The following DPYSL4 variants were observed in gnomAD, a reference collection of about 807,000 sequenced individuals.
DPYSL4 encodes the protein dihydropyrimidinase like 4, also known as dihydropyrimidinase-related protein 4.
Under a neutral mutation model 63.4 loss-of-function variants are expected in DPYSL4, and 43 were observed. The observed-to-expected ratio is 0.68, with a 90% CI of 0.53 to 0.88. The LOEUF (loss-of-function observed/expected upper bound fraction) is 0.88, where lower values mean the gene tolerates loss of function less well. Ranked by LOEUF, DPYSL4 falls within the 40% of genes least tolerant of loss-of-function variation. DPYSL4 has a pLI of 0.00. For missense variants in DPYSL4, 733 were observed against 819.5 expected (o/e 0.89, Z 1.29); for synonymous variants, 353 against 331.7 (o/e 1.06, Z -0.70).
chr10:132,201,882 G>A (rs1337092837), intron 10 of DPYSL4, 64 bp from the exon 11 acceptor site: 14 of 1,537,398 alleles, frequency 9.1e-6, no homozygotes, highest in African/African-American at 1.4e-5. Context: ...CCCAGTGTCT[G>A]TCCTCGCGCA....
rs759531488 is a variant in DPYSL4, at chr10:132,203,855, C to T, written c.1555C>T (p.Arg519Cys). Residue 519 changes from arginine to cysteine, a missense_variant, in exon 13 of 14, where the codon CGC (arginine) becomes TGC (cysteine). By Grantham distance (180) the Arg-to-Cys change is radical. Coordinates refer to ENST00000338492, the MANE Select transcript of DPYSL4 (RefSeq NM_006426.3). ...PAKPGSGAPA[R>C]ASCPGKISVP... ...CAAGCCAGGGAGTGGCGCTCCGGCC[C>T]GCGCGTCCTGCCCAGGCAAGATCTC... 10 of 1,612,936 alleles carry T rather than the reference C, an allele frequency of 6.2e-6. No individual in the cohort carries two copies. The South Asian group carries it at 6.6e-5, about 11-fold the overall frequency.
intron 4 of DPYSL4, 100 bp from the exon 5 acceptor site, chr10:132,196,761 G>A: frequency 7.2e-7 from 1 of 1,380,754 alleles, no homozygotes; most frequent in Non-Finnish European, 1.0e-6. Flanking sequence ...GCGGGGGAGG[G>A]GCCCAAGACC....
intron 2 of DPYSL4, 130 bp from the exon 3 acceptor site, chr10:132,192,528 G>T: frequency 7.0e-7 from 1 of 1,423,932 alleles, no homozygotes. Context: ...CCAGTGAGTG[G>T]CCGGCCGTGC....
intron 11 of DPYSL4, 72 bp from the exon 12 acceptor site, chr10:132,202,574 C>T: frequency 1.9e-6 from 3 of 1,577,284 alleles, no homozygotes; most frequent in Non-Finnish European, 2.6e-6. Flanking sequence ...CACAGTGCTC[C>T]AGCGGCTCAA....
chr10:132,201,840 A>ACCTGGCATCCATCCTTGTGGGGT, intron 10 of DPYSL4, 106 bp from the exon 11 acceptor site: 1 of 1,238,104 alleles, frequency 8.1e-7, no homozygotes, highest in Non-Finnish European at 1.1e-6. Flanking sequence ...GGGCCTGGTG[A>ACCTGGCATCCATCCTTGTGGGGT]CCTGGCATCC....
In DPYSL4 at chr10:132,196,931, AG is replaced by A. The variant is rs78726081; in HGVS notation, c.540+11del. On this transcript the variant is annotated intron_variant, in intron 5 of 13. Transcript: ENST00000338492. Reference sequence around the variant, plus strand: ...AGTGCAGCGACAGCCAGGTAAGGGCAGGCGTGGGGAACGGAGTGGGCAGGTA... The same window carrying A: ...AGTGCAGCGACAGCCAGGTAAGGGCAGCGTGGGGAACGGAGTGGGCAGGTA... The A allele has an allele frequency of 0.24, 384,518 of 1,613,522 alleles. 48,923 individuals are homozygous for A. Among genetic ancestry groups the A allele is most frequent in the Middle Eastern group, 0.27 (1,622 of 6,060 alleles).
chr10:132,197,808 C>T (rs543050284), intron 6 of DPYSL4, among the ~76,000 whole-genome samples: 3 of 152,322 alleles, frequency 2.0e-5, no homozygotes, highest in Admixed American at 6.5e-5. Flanking sequence ...CCAGTGTCCT[C>T]GTCCACCCGT....
rs1236408105 is a variant in DPYSL4, at chr10:132,202,008, C to T, written c.1173C>T (p.Ile391=). ...TGACCAGTACAAATGCTGCCAAAAT[C>T]TTCAATTTTTACCCAAGGAAGGGGC... ...VAVTSTNAAK[I]FNFYPRKGRV... is the part of the protein sequence containing the mutation. Residue 391 remains isoleucine (I), a synonymous_variant, in exon 11 of 14, where the codon ATC becomes ATT. Transcript: ENST00000338492. 3 of 1,613,390 alleles carry T rather than the reference C, an allele frequency of 1.9e-6. No homozygotes were observed. Among genetic ancestry groups the T allele is most frequent in the South Asian group, 2.2e-5 (2 of 91,080 alleles).
chr10:132,194,530 C>T lies in DPYSL4; in HGVS notation c.314-315C>T, dbSNP rs1454726134. Among the ~76,000 whole-genome samples the T allele has an allele frequency of 2.0e-5, 3 of 152,200 alleles. No homozygotes were observed. In the South Asian group the frequency reaches 6.2e-4, roughly 32 times the overall value. On this transcript the variant is annotated intron_variant, in intron 3 of 13. Transcript: ENST00000338492. ...GACAGGAGCTGGAGGCAGGGCAAAG[C>T]CCCGACCTCCTGTGCTCCTCCAAGT...
chr10:132,194,709 G>T (rs1233640914), intron 3 of DPYSL4, 136 bp from the exon 4 acceptor site: 2 of 1,092,348 alleles, frequency 1.8e-6, no homozygotes, highest in Non-Finnish European at 2.7e-6. Flanking sequence ...TCTCTCAGGG[G>T]CCGGTGGCCT....
chr10:132,187,176 T>G, intron 1 of DPYSL4, 74 bp downstream of exon 1: 1 of 1,179,276 alleles, frequency 8.5e-7, no homozygotes, highest in Non-Finnish European at 1.2e-6. Flanking sequence ...GGGCGGACCC[T>G]CCTGGTCTTG....
In DPYSL4 at chr10:132,196,553, C is replaced by CG. The variant is rs547835754; in HGVS notation, c.479-302dup. Among the ~76,000 whole-genome samples the CG allele has an allele frequency of 2.0e-3, 302 of 152,312 alleles. 1 individual carries two copies. Among genetic ancestry groups the CG allele is most frequent in the African/African-American group, 6.7e-3 (278 of 41,580 alleles). The stretch of plus-strand genomic sequence containing the variant: ...CCAGGCACAGCGGCTCTTCCAGTAA[C>CG]GGGGGGTCTGCTGGATGGGTGTGAG... On this transcript the variant is annotated intron_variant, in intron 4 of 13. Transcript: ENST00000338492.
intron 8 of DPYSL4, among the ~76,000 whole-genome samples, chr10:132,199,232 T>TG (rs1335212852): frequency 6.6e-6 from 1 of 151,720 alleles, no homozygotes. Flanking sequence ...CCATTTCCAG[T>TG]GGGGGTGGGT....
intron 4 of DPYSL4, among the ~76,000 whole-genome samples, chr10:132,196,448 C>T (rs72863033): frequency 2.0e-3 from 309 of 152,296 alleles, no homozygotes; most frequent in Admixed American, 3.5e-3. Context: ...ATGTGCTGGA[C>T]GGCCAGAATG....
chr10:132,189,055 C>G (rs984314469), intron 1 of DPYSL4, among the ~76,000 whole-genome samples: 1 of 152,220 alleles, frequency 6.6e-6, no homozygotes, highest in South Asian at 2.1e-4. Context: ...GAGAGTTTTA[C>G]CAATTGTGCA....
chr10:132,191,135 AT>A (rs1565037929), intron 2 of DPYSL4, among the ~76,000 whole-genome samples: 1 of 98,338 alleles, frequency 1.0e-5, no homozygotes, highest in African/African-American at 3.3e-5. Context: ...AGTTGAAAGT[AT>A]GTTCCCACCT....
At position 132,198,846 on chromosome 10, in the gene DPYSL4, C is replaced by T. The variant is rs551469585; in HGVS notation, c.691-5C>T. ...GTGGCCTCATCCCTCTCATCTCGTC[C>T]CCAGGTGGAGGCTGAGGCGGTGTAC... On this transcript the variant is annotated splice_region_variant and splice_polypyrimidine_tract_variant and intron_variant, in intron 7 of 13. Coordinates refer to ENST00000338492, the MANE Select transcript of DPYSL4 (RefSeq NM_006426.3). 2.8e-5 allele frequency: 45 copies of T among 1,612,824 alleles called. No individual in the cohort carries two copies. The South Asian group carries it at 4.1e-4, about 15-fold the overall frequency.
chr10:132,200,295 C>A, intron 8 of DPYSL4, 61 bp from the exon 9 acceptor site: 1 of 1,595,106 alleles, frequency 6.3e-7, no homozygotes, highest in South Asian at 1.1e-5. Context: ...AGCAGCAGTT[C>A]TCGGGGCCCC....
Position 132,192,689 on chromosome 10 carries a change from G to A in DPYSL4, c.160G>A (p.Gly54Ser), listed in dbSNP as rs1178592449. ...QIGENLIVPG[G>S]IKTIDAHGLM... ...CGGAGAAAACCTCATCGTCCCTGGG[G>A]GCATCAAGACCATTGACGCCCACGG... The change falls in exon 3 of 14, where the codon GGC becomes AGC. Residue 54 changes from glycine (G) to serine (S), a missense_variant. Physicochemically the swap from Gly to Ser is moderately conservative, Grantham distance 56 (BLOSUM62 0). Coordinates refer to ENST00000338492, the MANE Select transcript of DPYSL4 (RefSeq NM_006426.3). 25 of 1,612,318 alleles carry A rather than the reference G, an allele frequency of 1.6e-5. No homozygotes were observed. The highest frequency in any genetic ancestry group is 2.1e-5 in the Non-Finnish European group (25 of 1,179,444).
Sources: allele counts gnomAD v4.1 joint callset (sites outside exome capture counted in the v4.1 genomes callset), GRCh38; gene constraint gnomAD v4.1.1; transcripts MANE v1.5; gene names NCBI Gene and HGNC (gene_info 2026-07-23, HGNC 2026-07-21).